Variants in PTPRE observed in about 807,000 individuals in gnomAD.
PTPRE encodes the protein receptor-type tyrosine-protein phosphatase epsilon.
A neutral mutation model predicts 102.0 loss-of-function variants in PTPRE; 51 were observed. That is an observed-to-expected ratio of 0.50 (90% CI 0.40 to 0.63). The LOEUF (loss-of-function observed/expected upper bound fraction) is 0.63, where lower values mean the gene tolerates loss of function less well. Ranked by LOEUF, PTPRE falls within the 30% of genes least tolerant of loss-of-function variation. The probability of loss-of-function intolerance (pLI) is 0.00; values close to 1 mark genes in which losing one functional copy is unlikely to be tolerated. For synonymous variants in PTPRE, 345 were observed against 348.2 expected, an observed-to-expected ratio of 0.99 and a Z score of 0.10; for missense variants, 752 against 915.1, an observed-to-expected ratio of 0.82 and a Z score of 2.30.
intron 2 of PTPRE, among the ~76,000 whole-genome samples, chr10:128,029,771 C>G (rs931491786): frequency 6.6e-6 from 1 of 152,250 alleles, no homozygotes; most frequent in African/African-American, 2.4e-5. Flanking sequence ...TAAGCCCAGG[C>G]CTGCCTAAGG....
chr10:128,063,832 G>A (rs1006852580), intron 10 of PTPRE, among the ~76,000 whole-genome samples: 5 of 152,142 alleles, frequency 3.3e-5, no homozygotes, highest in African/African-American at 9.7e-5. Flanking sequence ...TGGGGAGCCT[G>A]GGTGCGGGGG....
At chr10:127,933,864 G>A (rs375033481) in intron 1 of PTPRE, among the ~76,000 whole-genome samples, 4 of 152,298 alleles carry the variant, frequency 2.6e-5, no homozygotes, top group African/African-American at 9.6e-5. Context: ...CCGAAGTCCT[G>A]TGGTTTCCCT....
chr10:128,039,458 A>G (rs908056723), intron 2 of PTPRE, among the ~76,000 whole-genome samples: 7 of 152,230 alleles, frequency 4.6e-5, no homozygotes, highest in Non-Finnish European at 5.9e-5. Context: ...TTACAAATCT[A>G]AAATGTGTGT....
chr10:128,073,945 C>G lies in PTPRE; in HGVS notation c.1599+474C>G, dbSNP rs73388015. The stretch of plus-strand genomic sequence containing the variant: ...ATTGTGATATAATTCACCTATAATT[C>G]ATGCAATTCATCTTTTTAAAGGGTA... On this transcript the variant is annotated intron_variant, in intron 17 of 20. Coordinates refer to ENST00000254667, the MANE Select transcript of PTPRE (RefSeq NM_006504.6). 4.0e-3 allele frequency among the ~76,000 whole-genome samples: 614 copies of G among 152,272 alleles called. 3 individuals carry two copies. Among genetic ancestry groups the G allele is most frequent in the African/African-American group, 0.014 (577 of 41,540 alleles).
At chr10:128,069,899 G>C in intron 13 of PTPRE, 72 bp downstream of exon 13, 1 of 1,607,204 alleles carries the variant, frequency 6.2e-7, no homozygotes, top group Non-Finnish European at 8.5e-7. Context: ...ACACAGGTGT[G>C]CAGGGCCCTG....
At chr10:128,072,905 G>A in intron 16 of PTPRE, among the ~76,000 whole-genome samples, 1 of 152,218 alleles carries the variant, frequency 6.6e-6, no homozygotes. Flanking sequence ...TTCATGCACA[G>A]TGGAGTTCGC....
chr10:128,081,692 G>C (rs552525684), intron 20 of PTPRE, among the ~76,000 whole-genome samples: 1 of 152,186 alleles, frequency 6.6e-6, no homozygotes, highest in African/African-American at 2.4e-5. Context: ...CCTTCTGAAG[G>C]CTGGGTGATC....
chr10:128,080,087 T>C (rs1268574281), intron 20 of PTPRE, among the ~76,000 whole-genome samples: 1 of 128,344 alleles, frequency 7.8e-6, no homozygotes, highest in Non-Finnish European at 1.8e-5. Context: ...CTCATTTCAA[T>C]GTTATACTCG....
At chr10:128,039,549 T>G (rs1847497031) in intron 2 of PTPRE, among the ~76,000 whole-genome samples, 1 of 152,220 alleles carries the variant, frequency 6.6e-6, no homozygotes, top group Non-Finnish European at 1.5e-5. Context: ...TGTTATAATA[T>G]CCTCATAATG....
intron 2 of PTPRE, chr10:127,998,490 A>C (rs1853513603): frequency 6.6e-6 from 1 of 152,208 alleles, no homozygotes; most frequent in Admixed American, 6.5e-5. Context: ...AGGCAGAAAT[A>C]ATAGTGAATT....
intron 1 of PTPRE, among the ~76,000 whole-genome samples, chr10:127,969,448 A>T (rs1157782122): frequency 6.6e-6 from 1 of 152,140 alleles, no homozygotes; most frequent in East Asian, 1.9e-4. Context: ...CTGGCAGATC[A>T]CTTGAGGCCA....
At chr10:128,064,517 A>G (rs769593055) in intron 10 of PTPRE, among the ~76,000 whole-genome samples, 17 of 152,364 alleles carry the variant, frequency 1.1e-4, no homozygotes, top group Middle Eastern at 3.4e-3. Flanking sequence ...CTGACCCTTC[A>G]TCAGGAGCCT....
chr10:128,047,259 A>G, intron 3 of PTPRE, 131 bp from the exon 4 acceptor site: 1 of 1,336,066 alleles, frequency 7.5e-7, no homozygotes, highest in Non-Finnish European at 9.9e-7. Flanking sequence ...GGGCCTTTTC[A>G]GGATGATGGA....
At chr10:128,080,821 G>A (rs1012770509) in intron 20 of PTPRE, among the ~76,000 whole-genome samples, 1 of 152,214 alleles carries the variant, frequency 6.6e-6, no homozygotes, top group South Asian at 2.1e-4. Flanking sequence ...TGCCTGGCCC[G>A]TGGCGAGGGC....
rs369891813 is a variant in PTPRE, at chr10:128,047,888, T to C, written c.283+51T>C. 7.3e-6 allele frequency: 11 copies of C among 1,510,922 alleles called. No homozygotes were observed. The East Asian group carries it at 9.1e-5, about 13-fold the overall frequency. 93.6% of individuals were successfully genotyped at this position (1,510,922 alleles called of 1,614,324 possible). Reference sequence around the variant, plus strand: ...GCTTGGGGGAAAATGTGTTCTTTTTTAGCAGACACTGAGGTGCTTTCTGCC... The same window carrying C: ...GCTTGGGGGAAAATGTGTTCTTTTTCAGCAGACACTGAGGTGCTTTCTGCC... On this transcript the variant is annotated intron_variant, in intron 5 of 20. Transcript: ENST00000254667.
At chr10:127,949,233 A>G (rs1433222438) in intron 1 of PTPRE, among the ~76,000 whole-genome samples, 1 of 152,036 alleles carries the variant, frequency 6.6e-6, no homozygotes, top group Non-Finnish European at 1.5e-5. Context: ...AGCCAACCCT[A>G]ATTAGAAGGG....
intron 1 of PTPRE, among the ~76,000 whole-genome samples, chr10:127,976,579 G>C (rs1851196930): frequency 6.6e-6 from 1 of 152,192 alleles, no homozygotes; most frequent in Non-Finnish European, 1.5e-5. Context: ...TCATAGACTG[G>C]CAAAAAGGAT....
Position 127,907,340 on chromosome 10 carries a change from C to T in PTPRE, c.-31+31C>T. On this transcript the variant is annotated intron_variant, in intron 1 of 20. Transcript: ENST00000254667. This position sits in a 1 kb window ranked among gnomAD's most constrained non-coding sequence, Gnocchi z 4.8. The stretch of plus-strand genomic sequence containing the variant: ...CGCGCGTGCGGACAGGGACCCTGCG[C>T]CCCTGTGGGGAACTGTGCACCCCGG... The T allele has an allele frequency of 1.0e-6, 1 of 984,326 alleles. No homozygotes were observed. The highest frequency in any genetic ancestry group is 1.2e-6 in the Non-Finnish European group (1 of 829,468). The allele number at this position is 984,326 out of a possible 1,614,324, so 61.0% of individuals were successfully genotyped here.
At chr10:127,918,322 G>T (rs1589728153) in intron 1 of PTPRE, among the ~76,000 whole-genome samples, 1 of 152,040 alleles carries the variant, frequency 6.6e-6, no homozygotes, top group African/African-American at 2.4e-5. Context: ...ACTTTTGGAG[G>T]CCGAGGTGGC....
Sources: allele counts gnomAD v4.1 joint callset (sites outside exome capture counted in the v4.1 genomes callset), GRCh38; gene constraint gnomAD v4.1.1; non-coding constraint Gnocchi (gnomAD v3.1); transcripts MANE v1.5; gene names NCBI Gene and HGNC (gene_info 2026-07-23, HGNC 2026-07-21).